ZCCHC7: variants seen among roughly 807,000 people sequenced by gnomAD.
The protein encoded by ZCCHC7 is zinc finger CCHC domain-containing protein 7.
ZCCHC7 carries 35 observed loss-of-function variants against 52.0 expected under a neutral mutation model. The observed-to-expected ratio is 0.67, with a 90% CI of 0.51 to 0.89. The LOEUF (loss-of-function observed/expected upper bound fraction) is 0.89. Among genes scored for constraint, ZCCHC7 ranks in the 40% least tolerant of loss-of-function variants. The probability of loss-of-function intolerance (pLI) is 0.00; values close to 1 mark genes in which losing one functional copy is unlikely to be tolerated. For missense variants in ZCCHC7, 574 were observed against 649.1 expected (o/e 0.88, Z 1.26); for synonymous variants, 217 against 221.5 (o/e 0.98, Z 0.18).
At chr9:37,194,349 A>G (rs1003815839) in intron 2 of ZCCHC7, among the ~76,000 whole-genome samples, 2 of 152,204 alleles carry the variant, frequency 1.3e-5, no homozygotes, top group Admixed American at 6.5e-5. Context: ...TGGTAGGTCA[A>G]TGTAGAGTTA....
chr9:37,270,473 C>T (rs1588584242), intron 2 of ZCCHC7, among the ~76,000 whole-genome samples: 3 of 152,048 alleles, frequency 2.0e-5, no homozygotes, highest in Admixed American at 2.0e-4. Flanking sequence ...GGTGGATCAC[C>T]TGAAGTCCGG....
At chr9:37,196,055 T>C (rs182285057) in intron 2 of ZCCHC7, among the ~76,000 whole-genome samples, 2 of 152,308 alleles carry the variant, frequency 1.3e-5, no homozygotes, top group Admixed American at 1.3e-4. Flanking sequence ...GAAGGAATTA[T>C]GAGGGTACTT....
intron 2 of ZCCHC7, among the ~76,000 whole-genome samples, chr9:37,222,996 TATAC>T (rs1279037325): frequency 6.6e-6 from 1 of 152,168 alleles, no homozygotes; most frequent in East Asian, 1.9e-4. Flanking sequence ...TGAGCATTCG[TATAC>T]ATATATATAT....
At chr9:37,289,913 G>T (rs1828453879) in intron 2 of ZCCHC7, among the ~76,000 whole-genome samples, 1 of 152,144 alleles carries the variant, frequency 6.6e-6, no homozygotes, top group African/African-American at 2.4e-5. Flanking sequence ...TCTTACCGCA[G>T]AAGTACATGG....
intron 6 of ZCCHC7, among the ~76,000 whole-genome samples, chr9:37,338,220 A>T (rs899185671): frequency 6.6e-6 from 1 of 152,292 alleles, no homozygotes; most frequent in East Asian, 1.9e-4. Flanking sequence ...GTTATAAATT[A>T]ATAAGCTTAA....
intron 2 of ZCCHC7, among the ~76,000 whole-genome samples, chr9:37,261,277 C>T (rs1564209087): frequency 6.6e-6 from 1 of 151,900 alleles, no homozygotes. Context: ...GTCTTTTGTC[C>T]TCTGTAAAAT....
At chr9:37,228,495 A>G (rs140945870) in intron 2 of ZCCHC7, among the ~76,000 whole-genome samples, 113 of 151,330 alleles carry the variant, frequency 7.5e-4, no homozygotes, top group African/African-American at 2.5e-3. Flanking sequence ...TAGTTCTCCC[A>G]CCTCAGCCTC....
Position 37,357,307 on chromosome 9 carries a change from T to C in ZCCHC7, c.*39T>C. 1 of 1,535,704 alleles carries C rather than the reference T, an allele frequency of 6.5e-7. No homozygotes were observed. Among genetic ancestry groups the C allele is most frequent in the Non-Finnish European group, 8.7e-7 (1 of 1,147,384 alleles). On this transcript the variant is annotated 3_prime_UTR_variant, in exon 9 of 9. Coordinates refer to ENST00000336755, the MANE Select transcript of ZCCHC7 (RefSeq NM_032226.3). ...CTCTGATGTGGCTTTTCATTGTTCA[T>C]TTGGCCTTTGTGTCTATAACCTTCT...
intron 6 of ZCCHC7, among the ~76,000 whole-genome samples, chr9:37,335,496 G>C (rs1162010719): frequency 6.6e-6 from 1 of 152,152 alleles, no homozygotes; most frequent in African/African-American, 2.4e-5. Flanking sequence ...GTAGGATTTT[G>C]TTAAGTATAC....
At chr9:37,172,488 A>T (rs1369220469) in intron 2 of ZCCHC7, among the ~76,000 whole-genome samples, 1 of 152,248 alleles carries the variant, frequency 6.6e-6, no homozygotes, top group Non-Finnish European at 1.5e-5. Flanking sequence ...TGGACCATTC[A>T]TAGATAAGTT....
At chr9:37,275,174 G>T (rs1439287701) in intron 2 of ZCCHC7, among the ~76,000 whole-genome samples, 2 of 152,124 alleles carry the variant, frequency 1.3e-5, no homozygotes, top group Non-Finnish European at 2.9e-5. Flanking sequence ...TGAAACCCAT[G>T]CTCTCAGGAT....
At chr9:37,141,685 G>A (rs532172530) in intron 2 of ZCCHC7, among the ~76,000 whole-genome samples, 33 of 151,944 alleles carry the variant, frequency 2.2e-4, no homozygotes, top group Admixed American at 8.5e-4. Context: ...TGTATATTAA[G>A]TAGTTGTTTA....
chr9:37,336,321 T>G (rs2118364640), intron 6 of ZCCHC7, among the ~76,000 whole-genome samples: 1 of 152,268 alleles, frequency 6.6e-6, no homozygotes, highest in Non-Finnish European at 1.5e-5. Context: ...CAAAGAGCAT[T>G]CCTATTTCAT....
intron 5 of ZCCHC7, chr9:37,327,387 T>A (rs2118159095): frequency 6.2e-6 from 1 of 161,008 alleles, no homozygotes; most frequent in African/African-American, 2.4e-5. Context: ...AGTGAAGTCT[T>A]CTTAAAGCAG....
intron 2 of ZCCHC7, among the ~76,000 whole-genome samples, chr9:37,226,009 T>C (rs1409181298): frequency 7.2e-5 from 11 of 152,218 alleles, no homozygotes; most frequent in Admixed American, 7.2e-4. Flanking sequence ...TATTAAATCA[T>C]CTTTAGTTGC....
intron 2 of ZCCHC7, among the ~76,000 whole-genome samples, chr9:37,294,344 G>C (rs867770673): frequency 6.6e-6 from 1 of 152,180 alleles, no homozygotes; most frequent in Non-Finnish European, 1.5e-5. Context: ...GGGTTTATCT[G>C]GTGTAGTGGA....
chr9:37,137,930 G>T lies in ZCCHC7; in HGVS notation c.610+10988G>T, dbSNP rs369035446. On this transcript the variant is annotated intron_variant, in intron 2 of 8. Transcript: ENST00000336755. ...CCCTAACAGGTCATAAGAGTGTATT[G>T]CCATGTGACATACTTCTCATTAATG... 1.1e-4 allele frequency among the ~76,000 whole-genome samples: 16 copies of T among 152,130 alleles called. No homozygotes were observed. In the South Asian group the frequency reaches 3.3e-3, roughly 32 times the overall value.
chr9:37,154,001 C>T (rs1199715237), intron 2 of ZCCHC7, among the ~76,000 whole-genome samples: 1 of 152,052 alleles, frequency 6.6e-6, no homozygotes, highest in Non-Finnish European at 1.5e-5. Context: ...GTGATCCTCA[C>T]ACCTCAGCCT....
intron 2 of ZCCHC7, among the ~76,000 whole-genome samples, chr9:37,198,036 A>G (rs1823380712): frequency 2.0e-5 from 3 of 152,356 alleles, no homozygotes; most frequent in Admixed American, 1.3e-4. Flanking sequence ...GGGAAACTGT[A>G]GTGTTCCTCA....
Sources: allele counts gnomAD v4.1 joint callset (sites outside exome capture counted in the v4.1 genomes callset), GRCh38; gene constraint gnomAD v4.1.1; transcripts MANE v1.5; gene names NCBI Gene and HGNC (gene_info 2026-07-23, HGNC 2026-07-21).